CDH10: variants seen among roughly 807,000 people sequenced by gnomAD.
CDH10 encodes cadherin 10, also known as cadherin-10.
CDH10 carries 30 observed loss-of-function variants against 73.1 expected under a neutral mutation model. That is an observed-to-expected ratio of 0.41 (90% confidence interval 0.31 to 0.56). The LOEUF (loss-of-function observed/expected upper bound fraction) is 0.56. CDH10 is among the 20% of genes least tolerant of loss of function. The pLI is 0.27. For synonymous variants in CDH10, 345 were observed against 348.2 expected (o/e 0.99, Z 0.10); for missense variants, 815 against 973.7 (o/e 0.84, Z 2.17).
intron 5 of CDH10, among the ~76,000 whole-genome samples, chr5:24,522,137 C>T (rs1743356078): frequency 6.7e-6 from 1 of 148,556 alleles, no homozygotes. Flanking sequence ...GTCTCAAAAA[C>T]AAACCAAAAA....
intron 8 of CDH10, among the ~76,000 whole-genome samples, chr5:24,498,854 C>T (rs760818951): frequency 1.1e-4 from 16 of 152,138 alleles, no homozygotes; most frequent in Non-Finnish European, 1.9e-4. Context: ...TGTTATACTT[C>T]ATTATAATTA....
Position 24,513,977 on chromosome 5 carries a change from C to T in CDH10, c.815-2463G>A, listed in dbSNP as rs547822416. 2.2e-4 allele frequency among the ~76,000 whole-genome samples: 33 copies of T among 152,232 alleles called. No homozygotes were observed. The East Asian group carries it at 6.4e-3, about 29-fold the overall frequency. On this transcript the variant is annotated intron_variant, in intron 5 of 11. Coordinates refer to ENST00000264463, the MANE Select transcript of CDH10 (RefSeq NM_006727.5). ...CACCAGGCATTCTATTATCTACTTA[C>T]TTATTTGTATGGAACATAAGAATGT... is the stretch of plus-strand genomic sequence containing the variant.
chr5:24,601,486 G>C (rs898560763), intron 1 of CDH10, among the ~76,000 whole-genome samples: 22 of 152,100 alleles, frequency 1.4e-4, no homozygotes, highest in African/African-American at 5.3e-4. Context: ...CTAGCTTCCA[G>C]TTTGCTGAAC....
chr5:24,584,353 T>C (rs914751783), intron 2 of CDH10, among the ~76,000 whole-genome samples: 12 of 151,940 alleles, frequency 7.9e-5, no homozygotes, highest in African/African-American at 2.7e-4. Flanking sequence ...TTATGTATGA[T>C]GGTGACTTTG....
intron 1 of CDH10, among the ~76,000 whole-genome samples, chr5:24,621,679 A>C (rs1747321043): frequency 6.6e-6 from 1 of 152,178 alleles, no homozygotes; most frequent in Admixed American, 6.5e-5. Flanking sequence ...AGGAAAAAAG[A>C]GAAAGCCTAG....
At chr5:24,591,755 A>ATAC (rs1486901732) in intron 2 of CDH10, among the ~76,000 whole-genome samples, 3 of 151,890 alleles carry the variant, frequency 2.0e-5, no homozygotes, top group Non-Finnish European at 4.4e-5. Context: ...TCTTGATTTC[A>ATAC]AGGTGTTGAT....
At chr5:24,488,788 G>A (rs1741938265) in intron 11 of CDH10, among the ~76,000 whole-genome samples, 1 of 115,224 alleles carries the variant, frequency 8.7e-6, no homozygotes, top group East Asian at 2.3e-4. Flanking sequence ...TACCTTGCAT[G>A]AGACCCCCCC....
At chr5:24,528,775 G>C (rs1235002427) in intron 5 of CDH10, among the ~76,000 whole-genome samples, 5 of 151,908 alleles carry the variant, frequency 3.3e-5, no homozygotes, top group African/African-American at 9.7e-5. Flanking sequence ...AACTAAAGTG[G>C]GATGCATCAA....
At chr5:24,601,411 T>A (rs1457006133) in intron 1 of CDH10, among the ~76,000 whole-genome samples, 1 of 152,186 alleles carries the variant, frequency 6.6e-6, no homozygotes, top group Non-Finnish European at 1.5e-5. Flanking sequence ...CATAATTTAG[T>A]AATGAATAGA....
At chr5:24,525,964 C>T (rs1389909528) in intron 5 of CDH10, among the ~76,000 whole-genome samples, 2 of 151,962 alleles carry the variant, frequency 1.3e-5, no homozygotes, top group Non-Finnish European at 2.9e-5. Flanking sequence ...TGTGTAGAAA[C>T]AATAAAAGCA....
intron 1 of CDH10, among the ~76,000 whole-genome samples, chr5:24,605,798 G>A (rs1002332863): frequency 7.2e-5 from 11 of 152,082 alleles, no homozygotes; most frequent in East Asian, 1.9e-4. Flanking sequence ...ATCATCAATC[G>A]GGAACAACCC....
At chr5:24,556,036 C>T (rs1424288010) in intron 2 of CDH10, among the ~76,000 whole-genome samples, 1 of 152,040 alleles carries the variant, frequency 6.6e-6, no homozygotes, top group Non-Finnish European at 1.5e-5. Flanking sequence ...GGTGTAAAGG[C>T]AAGAGGAGAA....
chr5:24,643,204 T>C (rs899319315), intron 1 of CDH10, among the ~76,000 whole-genome samples: 1 of 152,174 alleles, frequency 6.6e-6, no homozygotes, highest in Admixed American at 6.6e-5. Context: ...AGATTATCTA[T>C]GCGACTTAGC....
At chr5:24,517,885 A>G (rs1195037529) in intron 5 of CDH10, among the ~76,000 whole-genome samples, 1 of 152,196 alleles carries the variant, frequency 6.6e-6, no homozygotes, top group Non-Finnish European at 1.5e-5. Context: ...TAGACTCCAC[A>G]ACAAACTAAA....
In CDH10 at chr5:24,563,802, G is replaced by C. The variant is rs955862397; in HGVS notation, c.232-26128C>G. ...AAAAAAAAAAAAAAAAAAAAAAAGA[G>C]AAAAAAACTATGTAAATATCCCACT... On this transcript the variant is annotated intron_variant, in intron 2 of 11. Transcript: ENST00000264463. 6.4e-4 allele frequency among the ~76,000 whole-genome samples: 90 copies of C among 141,044 alleles called. 1 individual carries two copies. The highest frequency in any genetic ancestry group is 2.4e-3 in the African/African-American group (90 of 38,248). 92.5% of individuals were successfully genotyped at this position (141,044 alleles called of 152,430 possible).
chr5:24,555,781 G>C (rs1248756269), intron 2 of CDH10, among the ~76,000 whole-genome samples: 5 of 151,618 alleles, frequency 3.3e-5, no homozygotes, highest in Non-Finnish European at 7.4e-5. Context: ...TCAATCTCTA[G>C]AAGTGAAAAA....
intron 5 of CDH10, among the ~76,000 whole-genome samples, chr5:24,520,628 T>C (rs1202319154): frequency 6.6e-6 from 1 of 152,216 alleles, no homozygotes; most frequent in East Asian, 1.9e-4. Flanking sequence ...ATCTTTGTAA[T>C]GTAATTTTTC....
At chr5:24,528,389 C>T (rs1743608242) in intron 5 of CDH10, among the ~76,000 whole-genome samples, 4 of 151,856 alleles carry the variant, frequency 2.6e-5, no homozygotes. Context: ...ACCTTGGGAT[C>T]CCCAGTAGAG....
intron 2 of CDH10, among the ~76,000 whole-genome samples, chr5:24,587,529 C>T (rs1046307418): frequency 6.6e-6 from 1 of 152,034 alleles, no homozygotes; most frequent in African/African-American, 2.4e-5. Context: ...GTGAATTATG[C>T]AAATATGAAG....
Sources: allele counts gnomAD v4.1 joint callset (sites outside exome capture counted in the v4.1 genomes callset), GRCh38; gene constraint gnomAD v4.1.1; transcripts MANE v1.5; gene names NCBI Gene and HGNC (gene_info 2026-07-23, HGNC 2026-07-21).